The following SPRED1 variants were observed in gnomAD, a reference collection of about 807,000 sequenced individuals.
SPRED1 encodes the protein sprouty-related, EVH1 domain-containing protein 1.
In SPRED1, 18 loss-of-function variants were observed where a neutral mutation model predicts 52.3. The ratio of observed to expected loss-of-function variants is 0.34; its 90% confidence interval spans 0.24 to 0.51. The LOEUF is 0.51. Among genes scored for constraint, SPRED1 ranks in the 20% least tolerant of loss-of-function variants. SPRED1 has a pLI of 0.97. For missense variants in SPRED1, 485 were observed against 551.0 expected (o/e 0.88, Z 1.20); for synonymous variants, 155 against 179.7 (o/e 0.86, Z 1.10).
At chr15:38,258,064 G>C (rs1179303586) in intron 1 of SPRED1, among the ~76,000 whole-genome samples, 2 of 152,192 alleles carry the variant, frequency 1.3e-5, no homozygotes, top group Admixed American at 1.3e-4. Flanking sequence ...TGTAAGAGTA[G>C]TAGTTTATTT....
chr15:38,280,262 A>T (rs1894658114), intron 1 of SPRED1, among the ~76,000 whole-genome samples: 1 of 152,218 alleles, frequency 6.6e-6, no homozygotes, highest in Non-Finnish European at 1.5e-5. Flanking sequence ...TTAAAGGAAC[A>T]CAATAGTATA....
intron 6 of SPRED1, among the ~76,000 whole-genome samples, chr15:38,349,962 G>A (rs1888445337): frequency 6.6e-6 from 1 of 152,170 alleles, no homozygotes; most frequent in African/African-American, 2.4e-5. Context: ...TATGGATGAT[G>A]TAAGGGGTCA....
At chr15:38,259,939 T>C (rs1304250317) in intron 1 of SPRED1, among the ~76,000 whole-genome samples, 1 of 152,214 alleles carries the variant, frequency 6.6e-6, no homozygotes, top group African/African-American at 2.4e-5. Flanking sequence ...GCTAAGGTAT[T>C]ATGTTGCTGT....
chr15:38,336,798 G>T (rs1056849359), intron 4 of SPRED1, among the ~76,000 whole-genome samples: 1 of 151,900 alleles, frequency 6.6e-6, no homozygotes, highest in Non-Finnish European at 1.5e-5. Flanking sequence ...AAAGGGTGGG[G>T]GTGGTGAGGG....
At position 38,351,532 on chromosome 15, in the gene SPRED1, C is replaced by T. The variant is rs2141016645; in HGVS notation, c.1203C>T (p.Cys401=). The change falls in exon 7 of 7, where the codon TGC becomes TGT. Residue 401 remains cysteine, a synonymous_variant. Transcript: ENST00000299084. ...CSCDTSDDKF[C]LRWLALVALS... is the part of the protein sequence containing the mutation. ...GTGACACTAGCGACGACAAGTTCTG[C>T]TTGCGATGGTTAGCCCTGGTAGCTT... 1 of 1,614,108 alleles carries T rather than the reference C, an allele frequency of 6.2e-7. No individual in the cohort carries two copies. The highest frequency in any genetic ancestry group is 8.5e-7 in the Non-Finnish European group (1 of 1,180,004).
chr15:38,299,782 A>ACT (rs1895117045), intron 2 of SPRED1, among the ~76,000 whole-genome samples: 2 of 151,954 alleles, frequency 1.3e-5, no homozygotes, highest in African/African-American at 4.8e-5. Flanking sequence ...TTAATGCAGG[A>ACT]GTTAATAAAT....
intron 1 of SPRED1, among the ~76,000 whole-genome samples, chr15:38,270,808 A>G (rs1894417779): frequency 3.9e-5 from 6 of 152,186 alleles, no homozygotes; most frequent in Admixed American, 3.9e-4. Context: ...AAAAAAATGT[A>G]TGTATGTATG....
intron 2 of SPRED1, among the ~76,000 whole-genome samples, chr15:38,316,083 C>T (rs1895473722): frequency 2.0e-5 from 3 of 151,898 alleles, no homozygotes; most frequent in Non-Finnish European, 4.4e-5. Flanking sequence ...TGTTCCTGGC[C>T]TGTTCTATTT....
intron 4 of SPRED1, among the ~76,000 whole-genome samples, chr15:38,339,230 T>C (rs10520051): frequency 0.82 from 125,163 of 151,994 alleles, 52,345 homozygotes; most frequent in Non-Finnish European, 0.9. Flanking sequence ...TGATTTAAAT[T>C]CTACGTAATC....
At chr15:38,341,670 G>T (rs1460845529) in intron 5 of SPRED1, among the ~76,000 whole-genome samples, 1 of 151,600 alleles carries the variant, frequency 6.6e-6, no homozygotes, top group Non-Finnish European at 1.5e-5. Flanking sequence ...AAATATTTGG[G>T]GTTTTCTGGT....
chr15:38,296,829 A>G (rs1048471134), intron 1 of SPRED1, among the ~76,000 whole-genome samples: 4 of 152,290 alleles, frequency 2.6e-5, no homozygotes, highest in African/African-American at 9.6e-5. Flanking sequence ...CTCCAGTGCA[A>G]CAGTGTTAGG....
At chr15:38,297,059 T>G (rs1015140071) in intron 1 of SPRED1, among the ~76,000 whole-genome samples, 23 of 152,124 alleles carry the variant, frequency 1.5e-4, no homozygotes, top group African/African-American at 5.3e-4. Flanking sequence ...TTCCAGACAA[T>G]GAACCTACTG....
At chr15:38,286,226 CAAAAAA>C (rs368405955) in intron 1 of SPRED1, among the ~76,000 whole-genome samples, 3 of 89,594 alleles carry the variant, frequency 3.3e-5, no homozygotes, top group African/African-American at 4.3e-5. Context: ...ACTCCAGCCT[CAAAAAA>C]AAAAAAAAAA....
intron 4 of SPRED1, among the ~76,000 whole-genome samples, chr15:38,338,298 G>GTT (rs141295976): frequency 0.68 from 95,463 of 140,410 alleles, 33,348 homozygotes; most frequent in Non-Finnish European, 0.72. Context: ...TTTTTGTTTT[G>GTT]TTTTGTTTTT....
rs761830220 is a variant in SPRED1 at position 38,299,518 on chromosome 15, A to G, written c.178A>G (p.Ile60Val). 6 of 1,613,988 alleles carry G rather than the reference A, an allele frequency of 3.7e-6. No homozygotes were observed. Among genetic ancestry groups the G allele is most frequent in the South Asian group, 1.1e-5 (1 of 91,088 alleles). ...AGAGAATGGCTGTGCTGACTTTTTT[A>G]TCCGTGGAGAGCGACTCAGGGACAA... is the stretch of plus-strand genomic sequence containing the variant. Reference protein sequence around the residue: ...QEENGCADFFIRGERLRDKMV... With the variant: ...QEENGCADFFVRGERLRDKMV... The change falls in exon 2 of 7, where the codon ATC (isoleucine) becomes GTC (valine). Residue 60 changes from isoleucine (I) to valine (V), a missense_variant. Around this residue, in one of 5 missense-constraint regions of SPRED1, gnomAD observed 232 missense variants for 231.8 expected, o/e 1.00. Transcript: ENST00000299084.
intron 1 of SPRED1, among the ~76,000 whole-genome samples, chr15:38,281,559 A>ATTTTTTTTTTT (rs542005244): frequency 9.9e-5 from 10 of 100,742 alleles, no homozygotes; most frequent in African/African-American, 2.0e-4. Flanking sequence ...TGCCCATCTA[A>ATTTTTTTTTTT]TTTTTTTTTT....
At chr15:38,298,017 C>T (rs1022788181) in intron 1 of SPRED1, among the ~76,000 whole-genome samples, 6 of 152,052 alleles carry the variant, frequency 3.9e-5, no homozygotes, top group African/African-American at 1.4e-4. Flanking sequence ...TTTTAAAAAA[C>T]ACTTCTAAAA....
intron 1 of SPRED1, among the ~76,000 whole-genome samples, chr15:38,272,370 G>A (rs1442012951): frequency 6.8e-6 from 1 of 147,716 alleles, no homozygotes; most frequent in Non-Finnish European, 1.5e-5. Context: ...CCAGGTTCAA[G>A]CCATTTTCCT....
chr15:38,345,853 T>C (rs903628406), intron 5 of SPRED1, among the ~76,000 whole-genome samples: 4 of 151,966 alleles, frequency 2.6e-5, no homozygotes, highest in African/African-American at 9.7e-5. Context: ...CTTTCAAGGG[T>C]TTCACTGTAC....
Sources: gnomAD v4.1 joint callset for allele counts (sites outside exome capture counted in the v4.1 genomes callset) on GRCh38, gnomAD v4.1.1 for gene constraint, gnomAD v4.1.1 regional missense constraint, MANE v1.5 for transcripts, NCBI Gene and HGNC (gene_info 2026-07-23, HGNC 2026-07-21) for gene names.